Variants in HDAC9 observed in about 807,000 individuals in gnomAD.
HDAC9 encodes MEF-2 interacting transcription repressor (MITR) protein.
HDAC9 carries 41 observed loss-of-function variants against 139.4 expected under a neutral mutation model. The observed-to-expected ratio is 0.29, with a 90% CI of 0.23 to 0.38. HDAC9 has a LOEUF of 0.38. Ranked by LOEUF, HDAC9 falls within the 10% of genes least tolerant of loss-of-function variation. HDAC9 has a pLI of 1.00. For synonymous variants in HDAC9, 517 were observed against 476.2 expected (o/e 1.09, Z -1.12); for missense variants, 1,147 against 1,297.0 (o/e 0.88, Z 1.78).
At chr7:18,830,629 C>T (rs1228947991) in intron 19 of HDAC9, among the ~76,000 whole-genome samples, 3 of 152,056 alleles carry the variant, frequency 2.0e-5, no homozygotes, top group South Asian at 2.1e-4. Flanking sequence ...TAAGTGAAAA[C>T]GAAGATAAAA....
intron 1 of HDAC9, among the ~76,000 whole-genome samples, chr7:18,449,410 A>G (rs568883081): frequency 6.6e-6 from 1 of 152,320 alleles, no homozygotes; most frequent in African/African-American, 2.4e-5. Flanking sequence ...AAAGTTAAAA[A>G]TATGGTCAAA....
intron 12 of HDAC9, among the ~76,000 whole-genome samples, chr7:18,705,852 C>CAAAAAAAAAAAAAAAAAAAAAA (rs376206693): frequency 1.2e-5 from 1 of 82,022 alleles, no homozygotes. Flanking sequence ...GACTCTGTCT[C>CAAAAAAAAAAAAAAAAAAAAAA]AAAAAAAAAA....
intron 2 of HDAC9, among the ~76,000 whole-genome samples, chr7:18,232,600 G>T (rs1225981023): frequency 6.6e-6 from 1 of 152,116 alleles, no homozygotes; most frequent in Non-Finnish European, 1.5e-5. Context: ...TAGAGGCATG[G>T]ATTCTAATGA....
intron 17 of HDAC9, among the ~76,000 whole-genome samples, chr7:18,825,341 G>A (rs1190682180): frequency 6.6e-6 from 1 of 152,174 alleles, no homozygotes; most frequent in African/African-American, 2.4e-5. Flanking sequence ...CTCCAAGGGA[G>A]ATTGATTAGG....
chr7:18,356,363 T>TG (rs1783284700), intron 1 of HDAC9, among the ~76,000 whole-genome samples: 1 of 137,884 alleles, frequency 7.3e-6, no homozygotes, highest in African/African-American at 2.7e-5. Flanking sequence ...CATAGGTTTT[T>TG]TTTTTTTTTT....
intron 1 of HDAC9, among the ~76,000 whole-genome samples, chr7:18,156,626 A>G (rs527962002): frequency 5.9e-5 from 9 of 152,246 alleles, no homozygotes; most frequent in Non-Finnish European, 8.8e-5. Flanking sequence ...GGTTACAAAG[A>G]TGAATGTAGT....
chr7:18,431,957 C>T (rs1011614868), intron 1 of HDAC9, among the ~76,000 whole-genome samples: 1 of 152,146 alleles, frequency 6.6e-6, no homozygotes. Context: ...TCCTTTTTAC[C>T]TCTTCAAACG....
chr7:18,628,137 T>C (rs1466353846), intron 6 of HDAC9, among the ~76,000 whole-genome samples: 2 of 152,188 alleles, frequency 1.3e-5, no homozygotes, highest in African/African-American at 4.8e-5. Context: ...AGATGATTAG[T>C]GGTGCTTTGG....
At chr7:18,428,098 A>C (rs1364216160) in intron 1 of HDAC9, among the ~76,000 whole-genome samples, 1 of 152,138 alleles carries the variant, frequency 6.6e-6, no homozygotes, top group Non-Finnish European at 1.5e-5. Context: ...TATTCCTTTT[A>C]TATGTATACC....
At position 18,227,347 on chromosome 7, in the gene HDAC9, T is replaced by C. The variant is rs368499926; in HGVS notation, c.25+64998T>C. Among the ~76,000 whole-genome samples the C allele has an allele frequency of 3.9e-5, 6 of 152,336 alleles. No homozygotes were observed. In the East Asian group the frequency reaches 9.6e-4, roughly 24 times the overall value. ...TTCGCTGTTTCCTGCCACTGTTTAC[T>C]ACAAGATACTGTTGATATGTGGTAA... On this transcript the variant is annotated intron_variant, in intron 2 of 12. Coordinates refer to the HDAC9 transcript ENST00000417496.
Position 18,648,566 on chromosome 7 carries a change from C to G in HDAC9, c.1350C>G (p.Asn450Lys). The change falls in exon 11 of 26, where the codon AAC becomes AAG. Residue 450 changes from asparagine to lysine, a missense_variant. Coordinates refer to ENST00000686413, the MANE Select transcript of HDAC9 (RefSeq NM_178425.4). ...THKLPRHRPL[N>K]RTQSAPLPQS... ...AATTGCCCCGTCACAGACCCCTGAACCGAACCCAGTCTGCACCTTTGCCTC... is the reference window on the plus strand; with the variant it reads ...AATTGCCCCGTCACAGACCCCTGAAGCGAACCCAGTCTGCACCTTTGCCTC... 6.2e-7 allele frequency: 1 copy of G among 1,613,628 alleles called. No homozygotes were observed. Among genetic ancestry groups the G allele is most frequent in the Non-Finnish European group, 8.5e-7 (1 of 1,179,752 alleles).
rs1375380011 is a variant in HDAC9, at chr7:18,585,354, G to T, written c.96G>T (p.Met32Ile). 6.2e-7 allele frequency: 1 copy of T among 1,613,208 alleles called. No homozygotes were observed. The highest frequency in any genetic ancestry group is 1.1e-5 in the South Asian group (1 of 91,054). Residue 32 changes from methionine to isoleucine, a missense_variant, in exon 3 of 26, where the codon ATG (methionine) becomes ATT (isoleucine). Coordinates refer to ENST00000686413, the MANE Select transcript of HDAC9 (RefSeq NM_178425.4). ...SPLDLRTDLR[M>I]MMPVVDPVVR... Reference sequence around the variant, plus strand: ...TAGACCTAAGGACAGACCTCAGGATGATGATGCCCGTGGTGGACCCTGTTG... The same window carrying T: ...TAGACCTAAGGACAGACCTCAGGATTATGATGCCCGTGGTGGACCCTGTTG...
intron 2 of HDAC9, among the ~76,000 whole-genome samples, chr7:18,574,607 G>A (rs1031615517): frequency 6.6e-6 from 1 of 152,180 alleles, no homozygotes; most frequent in African/African-American, 2.4e-5. Context: ...TGTTGTTCAC[G>A]GTTCCCAGGC....
At chr7:18,835,788 T>G in intron 20 of HDAC9, 112 bp from the exon 21 acceptor site, 1 of 963,628 alleles carries the variant, frequency 1.0e-6, no homozygotes, top group Admixed American at 2.2e-5. Flanking sequence ...GCTGATTTGA[T>G]GTGTTGTTTG....
At chr7:18,437,881 A>T (rs1431274533) in intron 1 of HDAC9, among the ~76,000 whole-genome samples, 1 of 151,292 alleles carries the variant, frequency 6.6e-6, no homozygotes, top group Non-Finnish European at 1.5e-5. Flanking sequence ...CTCTTTCCAG[A>T]TCCCTTTTTC....
intron 17 of HDAC9, among the ~76,000 whole-genome samples, chr7:18,825,125 G>A (rs556949447): frequency 4.5e-4 from 68 of 152,266 alleles, no homozygotes; most frequent in African/African-American, 1.6e-3. Context: ...AAGTGATATT[G>A]AGTACATGGG....
rs115269303 is a variant in HDAC9, at chr7:18,237,057, T to C, written c.25+74708T>C. Among the ~76,000 whole-genome samples, 709 of 152,340 alleles carry C rather than the reference T, an allele frequency of 4.7e-3. 5 individuals carry two copies. Among genetic ancestry groups the C allele is most frequent in the African/African-American group, 0.016 (667 of 41,576 alleles). ...CACTCTGTTCGTATCCCACTTGACTTAAGACCTCCACTGGGTGTTTTCTTT... is the reference window on the plus strand; with the variant it reads ...CACTCTGTTCGTATCCCACTTGACTCAAGACCTCCACTGGGTGTTTTCTTT... On this transcript the variant is annotated intron_variant, in intron 2 of 12. Transcript: ENST00000417496.
chr7:18,200,765 C>G (rs551855867), intron 2 of HDAC9, among the ~76,000 whole-genome samples: 1 of 152,276 alleles, frequency 6.6e-6, no homozygotes, highest in East Asian at 1.9e-4. Context: ...GTCTCTTTCA[C>G]AGAGGTCAAT....
intron 2 of HDAC9, among the ~76,000 whole-genome samples, chr7:18,186,190 G>A (rs1789899392): frequency 6.6e-6 from 1 of 152,232 alleles, no homozygotes; most frequent in Non-Finnish European, 1.5e-5. Flanking sequence ...AATTTAGGCA[G>A]TCCAACACGG....
Sources: gnomAD v4.1 joint callset for allele counts (sites outside exome capture counted in the v4.1 genomes callset) on GRCh38, gnomAD v4.1.1 for gene constraint, MANE v1.5 for transcripts, NCBI Gene and HGNC (gene_info 2026-07-23, HGNC 2026-07-21) for gene names.